VPS13B: variants seen among roughly 807,000 people sequenced by gnomAD.
The protein encoded by VPS13B is intermembrane lipid transfer protein VPS13B.
Under a neutral mutation model 426.4 loss-of-function variants are expected in VPS13B, and 285 were observed. The observed-to-expected ratio is 0.67, with a 90% confidence interval of 0.61 to 0.74. The LOEUF is 0.74. Ranked by LOEUF, VPS13B falls within the 30% of genes least tolerant of loss-of-function variation. The pLI, the probability that VPS13B is intolerant of heterozygous loss-of-function variation, is 0.00. For synonymous variants in VPS13B, 1,676 were observed against 1,676.4 expected (o/e 1.00, Z 0.01); for missense variants, 4,537 against 4,782.6 (o/e 0.95, Z 1.51).
chr8:99,512,380 A>C (rs191496925), intron 29 of VPS13B, among the ~76,000 whole-genome samples: 4 of 152,378 alleles, frequency 2.6e-5, no homozygotes, highest in Admixed American at 2.6e-4. Context: ...TATTCATTGC[A>C]AAGGTAATGA....
chr8:99,858,305 CCTGCCAGACTCCACGCA>C (rs1816656578), intron 56 of VPS13B, among the ~76,000 whole-genome samples: 1 of 152,232 alleles, frequency 6.6e-6, no homozygotes, highest in African/African-American at 2.4e-5. Flanking sequence ...AAGGGCAGTG[CCTGCCAGACTCCACGCA>C]CAGCCGCGTT....
At chr8:99,100,230 G>C (rs1846656569) in intron 4 of VPS13B, among the ~76,000 whole-genome samples, 1 of 151,998 alleles carries the variant, frequency 6.6e-6, no homozygotes, top group Non-Finnish European at 1.5e-5. Context: ...TTTTACTTTG[G>C]TGAAGTGGCT....
chr8:99,490,385 G>C (rs983825797), intron 25 of VPS13B, among the ~76,000 whole-genome samples: 1 of 152,162 alleles, frequency 6.6e-6, no homozygotes, highest in Non-Finnish European at 1.5e-5. Context: ...GTCTCTGCCA[G>C]GCTTTGGTAT....
chr8:99,286,707 C>T (rs904002507), intron 19 of VPS13B, among the ~76,000 whole-genome samples: 17 of 152,038 alleles, frequency 1.1e-4, no homozygotes, highest in Admixed American at 1.1e-3. Context: ...AAACACAGAG[C>T]TCTACATTGA....
chr8:99,730,944 C>T (rs940355770), intron 39 of VPS13B, among the ~76,000 whole-genome samples: 8 of 151,952 alleles, frequency 5.3e-5, no homozygotes, highest in African/African-American at 1.9e-4. Flanking sequence ...GACATCAAGA[C>T]AAGGCTTCAT....
chr8:99,553,507 T>C (rs1347645884), intron 30 of VPS13B, among the ~76,000 whole-genome samples: 2 of 152,130 alleles, frequency 1.3e-5, no homozygotes, highest in Non-Finnish European at 2.9e-5. Flanking sequence ...TATAAGATAA[T>C]ATACTTCCAT....
In VPS13B at chr8:99,720,391, A is replaced by C; in HGVS notation, c.6704A>C (p.Glu2235Ala). 6.2e-7 allele frequency: 1 copy of C among 1,613,830 alleles called. No individual in the cohort carries two copies. The highest frequency in any genetic ancestry group is 1.1e-5 in the South Asian group (1 of 91,062). ...TTGAATTGTTTAGTTCTTCTACATGAATTACTCAATGGATACCTTAATGAG... is the reference window on the plus strand; with the variant it reads ...TTGAATTGTTTAGTTCTTCTACATGCATTACTCAATGGATACCTTAATGAG... The part of the protein sequence containing the change: ...EHLNCLVLLH[E>A]LLNGYLNEEG... The change falls in exon 38 of 62, where the codon GAA becomes GCA. Residue 2235 changes from glutamate to alanine, a missense_variant. Physicochemically the swap from Glu to Ala is moderately radical, Grantham distance 107. Transcript: ENST00000357162.
At chr8:99,102,073 A>G (rs1846784412) in intron 4 of VPS13B, among the ~76,000 whole-genome samples, 1 of 152,082 alleles carries the variant, frequency 6.6e-6, no homozygotes, top group African/African-American at 2.4e-5. Context: ...CCATGTACAC[A>G]CTTACATGAG....
intron 19 of VPS13B, among the ~76,000 whole-genome samples, chr8:99,291,627 T>A (rs1487162243): frequency 6.6e-6 from 1 of 152,058 alleles, no homozygotes; most frequent in Non-Finnish European, 1.5e-5. Flanking sequence ...AATGATATAA[T>A]TGATTGGGAG....
At chr8:99,530,288 C>T (rs536336393) in intron 30 of VPS13B, among the ~76,000 whole-genome samples, 1 of 152,202 alleles carries the variant, frequency 6.6e-6, no homozygotes, top group South Asian at 2.1e-4. Flanking sequence ...GGCTGACCTA[C>T]CTTTATGCAA....
At chr8:99,810,334 A>C (rs1327182815) in intron 44 of VPS13B, among the ~76,000 whole-genome samples, 1 of 152,346 alleles carries the variant, frequency 6.6e-6, no homozygotes, top group Middle Eastern at 3.4e-3. Flanking sequence ...CTGGATTGTA[A>C]CAGTCTACCC....
intron 1 of VPS13B, among the ~76,000 whole-genome samples, 189 bp from the exon 2 acceptor site, chr8:99,013,571 C>T (rs1431224309): frequency 2.0e-5 from 3 of 152,306 alleles, no homozygotes; most frequent in African/African-American, 7.2e-5. Flanking sequence ...CCTCACTTCG[C>T]TTGGCGAAGG....
At chr8:99,014,343 C>G (rs1031210210) in intron 2 of VPS13B, among the ~76,000 whole-genome samples, 1 of 151,662 alleles carries the variant, frequency 6.6e-6, no homozygotes, top group African/African-American at 2.4e-5. Context: ...GTCTCGAACT[C>G]CTGAGCTTAG....
chr8:99,360,120 ATCTTTCTT>A (rs772269369), intron 19 of VPS13B, among the ~76,000 whole-genome samples: 6,417 of 61,650 alleles, frequency 0.1, 619 homozygotes, highest in Middle Eastern at 0.17. Flanking sequence ...TTTTTTCCTT[ATCTTTCTT>A]TCTTTCTTTC....
At position 99,875,178 on chromosome 8, in the gene VPS13B, C is replaced by A. The variant is rs1187805128; in HGVS notation, c.11746-240C>A. The A allele has an allele frequency of 2.1e-5, 12 of 573,152 alleles. 1 individual carries two copies. The Admixed American group carries it at 3.3e-4, about 16-fold the overall frequency. The allele number at this position is 573,152 out of a possible 1,614,324, so 35.5% of individuals were successfully genotyped here. ...TCAAACATGGGAATTTTATGCAACA[C>A]CAAATGCTTATTCTAAGGAGGCTGT... On this transcript the variant is annotated intron_variant, in intron 61 of 61. Coordinates refer to ENST00000357162, the MANE Select transcript of VPS13B (RefSeq NM_152564.5).
intron 19 of VPS13B, among the ~76,000 whole-genome samples, chr8:99,338,009 A>G (rs2133175956): frequency 6.6e-6 from 1 of 152,250 alleles, no homozygotes; most frequent in African/African-American, 2.4e-5. Flanking sequence ...AATAGACAAC[A>G]TATGCATGAT....
chr8:99,495,896 C>T (rs1179843978), intron 25 of VPS13B, among the ~76,000 whole-genome samples: 1 of 152,108 alleles, frequency 6.6e-6, no homozygotes, highest in Non-Finnish European at 1.5e-5. Context: ...GTTGAGGCGT[C>T]TGGTGAGTAG....
At chr8:99,850,220 T>A (rs1816193854) in intron 55 of VPS13B, among the ~76,000 whole-genome samples, 1 of 135,410 alleles carries the variant, frequency 7.4e-6, no homozygotes, top group Non-Finnish European at 1.6e-5. Context: ...TACTTATACA[T>A]ACCTACATAA....
At chr8:99,696,397 G>A (rs923824096) in intron 35 of VPS13B, 4 of 326,372 alleles carry the variant, frequency 1.2e-5, no homozygotes, top group Non-Finnish European at 2.4e-5. Flanking sequence ...CAAGATCGTG[G>A]TGCTCATGCT....
Sources: allele counts gnomAD v4.1 joint callset (sites outside exome capture counted in the v4.1 genomes callset), GRCh38; gene constraint gnomAD v4.1.1; transcripts MANE v1.5; gene names NCBI Gene and HGNC (gene_info 2026-07-23, HGNC 2026-07-21).